PLCH2: variants seen among roughly 807,000 people sequenced by gnomAD.
The protein encoded by PLCH2 is phospholipase C eta 2, also known as 1-phosphatidylinositol 4,5-bisphosphate phosphodiesterase eta-2.
In PLCH2, 98 loss-of-function variants were observed where a neutral mutation model predicts 134.7. The observed-to-expected ratio is 0.73, with a 90% CI of 0.62 to 0.86. The LOEUF (loss-of-function observed/expected upper bound fraction) is 0.86. Among genes scored for constraint, PLCH2 ranks in the 40% least tolerant of loss-of-function variants. PLCH2 has a pLI of 0.00. For synonymous variants in PLCH2, 974 were observed against 827.5 expected, an observed-to-expected ratio of 1.18 and a Z score of -3.04; for missense variants, 1,994 against 1,986.6, an observed-to-expected ratio of 1.00 and a Z score of -0.07.
chr1:2,453,686 A>G (rs924948081), intron 2 of PLCH2, among the ~76,000 whole-genome samples: 1 of 152,190 alleles, frequency 6.6e-6, no homozygotes, highest in African/African-American at 2.4e-5. Context: ...AGCAGAGGAA[A>G]GTGCACCCCA....
chr1:2,462,561 T>G (rs893937122), upstream of PLCH2, among the ~76,000 whole-genome samples: 18 of 152,030 alleles, frequency 1.2e-4, no homozygotes, highest in African/African-American at 4.4e-4. Context: ...CCGGGGCAAC[T>G]ACGGTCAGTC....
At chr1:2,461,125 A>C (rs1262486069) in intron 2 of PLCH2, among the ~76,000 whole-genome samples, 1 of 152,220 alleles carries the variant, frequency 6.6e-6, no homozygotes, top group African/African-American at 2.4e-5. Flanking sequence ...GCCATGGGGC[A>C]GTGTTCGTCC....
intron 2 of PLCH2, among the ~76,000 whole-genome samples, chr1:2,455,408 G>A (rs564096071): frequency 1.3e-5 from 2 of 152,298 alleles, no homozygotes; most frequent in Admixed American, 6.5e-5. Flanking sequence ...CAAATTTGGC[G>A]GTTCACCCAC....
chr1:2,437,060 G>T (rs913700840), intron 2 of PLCH2, among the ~76,000 whole-genome samples: 76 of 152,306 alleles, frequency 5.0e-4, no homozygotes, highest in African/African-American at 1.7e-3. Context: ...AGACAGGGCC[G>T]CCAGGCCTCT....
rs117584336 is a variant in PLCH2, at chr1:2,477,340, C to T, written c.124+628C>T. On this transcript the variant is annotated intron_variant, in intron 1 of 21. Coordinates refer to ENST00000378486, the MANE Select transcript of PLCH2 (RefSeq NM_014638.4). ...CTGCGTCTTCACCTCCCATGTGCCC[C>T]GGAGAGCCCAGCCCCCCATGCCATG... 1.1e-4 allele frequency among the ~76,000 whole-genome samples: 17 copies of T among 152,294 alleles called. No individual in the cohort carries two copies. In the East Asian group the frequency reaches 3.1e-3, roughly 28 times the overall value.
In PLCH2 at chr1:2,505,181, G is replaced by A. The variant is rs1457551724; in HGVS notation, c.4219G>A (p.Ala1407Thr). 6.4e-7 allele frequency: 1 copy of A among 1,572,282 alleles called. No individual in the cohort carries two copies. The highest frequency in any genetic ancestry group is 8.6e-7 in the Non-Finnish European group (1 of 1,169,050). The change falls in exon 22 of 22, where the codon GCT becomes ACT. Residue 1407 changes from alanine (A) to threonine (T), a missense_variant. Around this residue, in one of 2 missense-constraint regions of PLCH2, gnomAD observed 900 missense variants for 752.3 expected, o/e 1.20. Transcript: ENST00000378486. ...GGGAGCCCTCGGGCCAGCATCCGCG[G>A]CTGCTGAAAACCTGGTCCTGCTCCG... ...SKGALGPASA[A>T]AENLVLLRL
At chr1:2,463,318 G>A (rs950588646), upstream of PLCH2, among the ~76,000 whole-genome samples, 1 of 152,168 alleles carries the variant, frequency 6.6e-6, no homozygotes, top group Non-Finnish European at 1.5e-5. Flanking sequence ...GCCTCTGGGG[G>A]CCCGTCGAAC....
At chr1:2,469,054 G>C (rs1246593951) in intron 1 of PLCH2, among the ~76,000 whole-genome samples, 1 of 152,192 alleles carries the variant, frequency 6.6e-6, no homozygotes, top group Non-Finnish European at 1.5e-5. Context: ...TGTAGGATGG[G>C]CTGTATATTC....
chr1:2,452,299 C>A (rs1439923484), intron 2 of PLCH2, among the ~76,000 whole-genome samples: 3 of 152,212 alleles, frequency 2.0e-5, no homozygotes, highest in Non-Finnish European at 4.4e-5. Context: ...CGCCCCCCAT[C>A]CCCCGGCCCT....
upstream of PLCH2, among the ~76,000 whole-genome samples, chr1:2,425,164 CAAA>C (rs59406327): frequency 3.5e-5 from 3 of 86,486 alleles, no homozygotes; most frequent in Admixed American, 1.3e-4. Flanking sequence ...CACTCCGTCT[CAAA>C]AAAAAAAAAA....
At chr1:2,497,682 G>A in intron 16 of PLCH2, 73 bp downstream of exon 16, 1 of 1,056,328 alleles carries the variant, frequency 9.5e-7, no homozygotes, top group Non-Finnish European at 1.4e-6. Context: ...CCAGAACAGA[G>A]ATCGGAGCCC....
chr1:2,432,209 C>T (rs962972926), intron 2 of PLCH2, among the ~76,000 whole-genome samples: 3 of 152,248 alleles, frequency 2.0e-5, no homozygotes, highest in Non-Finnish European at 2.9e-5. Flanking sequence ...ACCTGGCTGC[C>T]GACTCTCTCA....
intron 2 of PLCH2, among the ~76,000 whole-genome samples, chr1:2,451,150 C>T (rs559386917): frequency 2.0e-5 from 3 of 152,200 alleles, no homozygotes; most frequent in African/African-American, 2.4e-5. Context: ...GGGCCGAGTG[C>T]GCTCCAGGAG....
intron 2 of PLCH2, among the ~76,000 whole-genome samples, chr1:2,445,463 C>T (rs1450846035): frequency 6.6e-6 from 1 of 151,226 alleles, no homozygotes; most frequent in African/African-American, 2.4e-5. Flanking sequence ...ACTCGGGGCT[C>T]GGGGCTTGGT....
chr1:2,462,581 C>T (rs868194336), upstream of PLCH2, among the ~76,000 whole-genome samples: 4 of 152,016 alleles, frequency 2.6e-5, no homozygotes, highest in African/African-American at 7.3e-5. Context: ...CTGGGTGGCC[C>T]GTGGTCAGTC....
At chr1:2,434,976 A>AG (rs34090130) in intron 2 of PLCH2, among the ~76,000 whole-genome samples, 1 of 152,024 alleles carries the variant, frequency 6.6e-6, no homozygotes, top group African/African-American at 2.4e-5. Context: ...CTGGCTTCTC[A>AG]GGGGGGATTT....
At chr1:2,493,455 T>C (rs2477702) in intron 11 of PLCH2, 53,897 of 152,142 alleles carry the variant, frequency 0.35, 11,095 homozygotes, top group African/African-American at 0.56. Flanking sequence ...GAGACGAGCA[T>C]GTCTGAGAGC....
intron 2 of PLCH2, among the ~76,000 whole-genome samples, chr1:2,435,693 G>A (rs1639296137): frequency 6.6e-6 from 1 of 152,066 alleles, no homozygotes; most frequent in South Asian, 2.1e-4. Context: ...GGGGAGACTG[G>A]GTTTCCAGGG....
chr1:2,465,215 CA>C (rs1640999587), upstream of PLCH2, among the ~76,000 whole-genome samples: 1 of 152,192 alleles, frequency 6.6e-6, no homozygotes, highest in South Asian at 2.1e-4. Context: ...CCTGTGAACC[CA>C]AGGAGAGATC....
Sources: allele counts gnomAD v4.1 joint callset (sites outside exome capture counted in the v4.1 genomes callset), GRCh38; gene constraint gnomAD v4.1.1; regional missense constraint gnomAD v4.1.1; transcripts MANE v1.5; gene names NCBI Gene and HGNC (gene_info 2026-07-23, HGNC 2026-07-21).